Variants in ROBO2 observed in about 807,000 individuals in gnomAD.
ROBO2 encodes the protein roundabout guidance receptor 2.
ROBO2 carries 53 observed loss-of-function variants against 160.8 expected under a neutral mutation model. The ratio of observed to expected loss-of-function variants is 0.33; its 90% CI spans 0.26 to 0.41. ROBO2 has a LOEUF of 0.41. Ranked by LOEUF, ROBO2 falls within the 10% of genes least tolerant of loss-of-function variation. The pLI, the probability that ROBO2 is intolerant of heterozygous loss-of-function variation, is 1.00. For synonymous variants in ROBO2, 664 were observed against 611.7 expected (o/e 1.09, Z -1.26); for missense variants, 1,577 against 1,722.4 (o/e 0.92, Z 1.49).
At chr3:77,246,094 A>G (rs1262678539) in intron 2 of ROBO2, among the ~76,000 whole-genome samples, 1 of 152,234 alleles carries the variant, frequency 6.6e-6, no homozygotes, top group African/African-American at 2.4e-5. Flanking sequence ...TTAAAAATAT[A>G]TAGTGTAGAC....
At chr3:76,891,958 G>A (rs986711020) in intron 2 of ROBO2, among the ~76,000 whole-genome samples, 2 of 152,104 alleles carry the variant, frequency 1.3e-5, no homozygotes, top group African/African-American at 4.8e-5. Flanking sequence ...GTGGCAGATC[G>A]GACAAATTTA....
chr3:75,976,758 G>A (rs1409703184), intron 2 of ROBO2, among the ~76,000 whole-genome samples: 2 of 151,380 alleles, frequency 1.3e-5, no homozygotes, highest in African/African-American at 2.4e-5. Flanking sequence ...TGTAATATAC[G>A]GAAGAGGAAT....
intron 24 of ROBO2, among the ~76,000 whole-genome samples, chr3:77,636,321 C>T (rs1287693619): frequency 1.3e-5 from 2 of 152,046 alleles, no homozygotes; most frequent in Non-Finnish European, 2.9e-5. Context: ...AGGCCAAGCA[C>T]GGTGGCTCAG....
At chr3:75,917,179 C>G (rs1946848070) in intron 1 of ROBO2, among the ~76,000 whole-genome samples, 1 of 152,230 alleles carries the variant, frequency 6.6e-6, no homozygotes, top group Admixed American at 6.5e-5. Context: ...CTAATGCTCT[C>G]CCTCCTCTTT....
chr3:77,645,723 C>G (rs911699251), intron 25 of ROBO2, among the ~76,000 whole-genome samples: 6 of 152,076 alleles, frequency 3.9e-5, no homozygotes, highest in Non-Finnish European at 8.8e-5. Flanking sequence ...TTGTTGTTGA[C>G]TATTGCTAAT....
chr3:77,108,224 A>G (rs532017802), intron 2 of ROBO2, among the ~76,000 whole-genome samples: 3 of 148,522 alleles, frequency 2.0e-5, no homozygotes, highest in Admixed American at 1.4e-4. Flanking sequence ...ATGTATACAC[A>G]TATGCATATA....
chr3:76,067,707 C>G (rs1004469088), intron 2 of ROBO2, among the ~76,000 whole-genome samples: 2 of 152,120 alleles, frequency 1.3e-5, no homozygotes, highest in African/African-American at 2.4e-5. Context: ...CACCAATGCT[C>G]TAGTTACCAA....
At chr3:77,037,359 A>G (rs1256781922), upstream of ROBO2, among the ~76,000 whole-genome samples, 2 of 152,176 alleles carry the variant, frequency 1.3e-5, no homozygotes, top group African/African-American at 4.8e-5. Context: ...TGTATGGCAA[A>G]CAACAACAAC....
At chr3:76,919,278 C>T (rs1373902111) in intron 2 of ROBO2, among the ~76,000 whole-genome samples, 2 of 152,066 alleles carry the variant, frequency 1.3e-5, no homozygotes, top group African/African-American at 4.8e-5. Flanking sequence ...TGATAATTTT[C>T]CATTTAAGAA....
At chr3:77,428,938 T>C (rs1034754367) in intron 2 of ROBO2, among the ~76,000 whole-genome samples, 1 of 152,186 alleles carries the variant, frequency 6.6e-6, no homozygotes, top group Non-Finnish European at 1.5e-5. Flanking sequence ...AAAAAGTTTA[T>C]TGAAGAGAAA....
intron 2 of ROBO2, among the ~76,000 whole-genome samples, chr3:76,024,067 T>A (rs2066657221): frequency 6.6e-6 from 1 of 151,490 alleles, no homozygotes; most frequent in African/African-American, 2.4e-5. Flanking sequence ...TAGTTATATA[T>A]ATATTATATT....
rs186281954 is a variant in ROBO2, at chr3:77,284,689, G to A, written c.388+186349G>A. On this transcript the variant is annotated intron_variant, in intron 2 of 25. Coordinates refer to ENST00000461745, the Ensembl canonical transcript of ROBO2. ...ATGACAATTTGCCTTCTTCTTTGCT[G>A]TTTAATAAGACCTGCAGTGAGTAAT... is the stretch of plus-strand genomic sequence containing the variant. Among the ~76,000 whole-genome samples the A allele has an allele frequency of 4.6e-5, 7 of 152,150 alleles. No individual in the cohort carries two copies. In the East Asian group the frequency reaches 7.7e-4, roughly 17 times the overall value.
chr3:77,207,179 C>T (rs1346397994), intron 2 of ROBO2, among the ~76,000 whole-genome samples: 1 of 152,168 alleles, frequency 6.6e-6, no homozygotes, highest in Non-Finnish European at 1.5e-5. Context: ...GTTTTTCTCA[C>T]TTACCACTTA....
At chr3:76,025,952 C>T (rs1169651956) in intron 2 of ROBO2, among the ~76,000 whole-genome samples, 6 of 151,794 alleles carry the variant, frequency 4.0e-5, no homozygotes, top group Non-Finnish European at 7.4e-5. Flanking sequence ...ACATTTTCTC[C>T]CCAATATTCT....
Position 76,618,277 on chromosome 3 carries a change from A to T in ROBO2, c.110-479737A>T, listed in dbSNP as rs370045189. On this transcript the variant is annotated intron_variant, in intron 2 of 26. Transcript: ENST00000487694. The stretch of plus-strand genomic sequence containing the variant: ...GCTTGGCATGTTGTAAATGCCCATT[A>T]CATAGAGACTGCTGTTATTTTTACC... Among the ~76,000 whole-genome samples, 8 of 151,654 alleles carry T rather than the reference A, an allele frequency of 5.3e-5. No homozygotes were observed. In the South Asian group the frequency reaches 1.7e-3, roughly 32 times the overall value.
intron 2 of ROBO2, among the ~76,000 whole-genome samples, chr3:77,174,729 A>T (rs2079970067): frequency 6.6e-6 from 1 of 152,180 alleles, no homozygotes. Flanking sequence ...CCTGTCAAAT[A>T]GCTACTTTTT....
At chr3:76,538,736 G>A (rs566181174) in intron 2 of ROBO2, among the ~76,000 whole-genome samples, 40 of 152,222 alleles carry the variant, frequency 2.6e-4, no homozygotes, top group African/African-American at 7.9e-4. Flanking sequence ...CCTTGCCTCC[G>A]TCCCTCCCTT....
At chr3:77,435,893 A>C (rs1456610046) in intron 2 of ROBO2, among the ~76,000 whole-genome samples, 1 of 151,356 alleles carries the variant, frequency 6.6e-6, no homozygotes, top group African/African-American at 2.4e-5. Flanking sequence ...AAAAATCATA[A>C]TGTAAATGTT....
chr3:77,192,615 G>T (rs2081956549), intron 2 of ROBO2, among the ~76,000 whole-genome samples: 1 of 148,976 alleles, frequency 6.7e-6, no homozygotes. Context: ...ATTAAATTTG[G>T]AAAATCTTTT....
Sources: gnomAD v4.1 joint callset for allele counts (sites outside exome capture counted in the v4.1 genomes callset) on GRCh38, gnomAD v4.1.1 for gene constraint, MANE v1.5 for transcripts, NCBI Gene and HGNC (gene_info 2026-07-23, HGNC 2026-07-21) for gene names.